The following TGFA variants were observed in gnomAD, a reference collection of about 807,000 sequenced individuals.
The protein encoded by TGFA is transforming growth factor alpha.
Under a neutral mutation model 21.7 loss-of-function variants are expected in TGFA, and 12 were observed. That is an observed-to-expected ratio of 0.55 (90% confidence interval 0.35 to 0.90). TGFA has a LOEUF of 0.90. Ranked by LOEUF, TGFA falls within the 40% of genes least tolerant of loss-of-function variation. TGFA has a pLI of 0.01. For missense variants in TGFA, 178 were observed against 210.8 expected (o/e 0.84, Z 0.96); for synonymous variants, 79 against 88.1 (o/e 0.90, Z 0.58).
intron 2 of TGFA, among the ~76,000 whole-genome samples, chr2:70,512,469 T>C (rs1215767467): frequency 6.6e-6 from 1 of 152,094 alleles, no homozygotes; most frequent in Non-Finnish European, 1.5e-5. Flanking sequence ...GGCCCCCGAG[T>C]GGCACTGAGC....
chr2:70,478,872 A>C (rs1364370983), intron 2 of TGFA, among the ~76,000 whole-genome samples: 1 of 152,138 alleles, frequency 6.6e-6, no homozygotes, highest in African/African-American at 2.4e-5. Context: ...TAGAATATAA[A>C]TACTCTTTTT....
chr2:70,473,100 A>T (rs1670807278), intron 2 of TGFA, among the ~76,000 whole-genome samples: 1 of 152,034 alleles, frequency 6.6e-6, no homozygotes. Context: ...CCTCCATTCC[A>T]CCCTGAGGCC....
chr2:70,514,574 G>A (rs1672209202), intron 2 of TGFA, among the ~76,000 whole-genome samples: 2 of 152,156 alleles, frequency 1.3e-5, no homozygotes, highest in African/African-American at 4.8e-5. Context: ...CTGGGGTCCT[G>A]CAGGCCCTGT....
chr2:70,488,135 T>C (rs1245125567), intron 2 of TGFA, among the ~76,000 whole-genome samples: 4 of 152,256 alleles, frequency 2.6e-5, no homozygotes, highest in African/African-American at 9.6e-5. Context: ...TTTTGCCTAC[T>C]TTTCTAGTGA....
At chr2:70,504,479 T>TACACACACACACACACACACAC (rs1361394841) in intron 2 of TGFA, among the ~76,000 whole-genome samples, 1 of 87,268 alleles carries the variant, frequency 1.1e-5, no homozygotes, top group African/African-American at 5.4e-5. Flanking sequence ...CATACATACA[T>TACACACACACACACACACACAC]ACATACACAC....
intron 2 of TGFA, 83 bp downstream of exon 2, chr2:70,514,776 G>C: frequency 6.9e-7 from 1 of 1,441,578 alleles, no homozygotes; most frequent in East Asian, 2.3e-5. Context: ...GGAGGCCAGG[G>C]AGGGAGCTCT....
At chr2:70,539,285 A>G (rs1673062587) in intron 1 of TGFA, among the ~76,000 whole-genome samples, 1 of 152,080 alleles carries the variant, frequency 6.6e-6, no homozygotes, top group Non-Finnish European at 1.5e-5. Flanking sequence ...TCTCTGAGGT[A>G]TGCCTATACT....
chr2:70,550,363 C>T (rs1226670520), intron 1 of TGFA, among the ~76,000 whole-genome samples: 1 of 152,006 alleles, frequency 6.6e-6, no homozygotes, highest in African/African-American at 2.4e-5. Flanking sequence ...TTATTATTCC[C>T]ACTTTACAGA....
At position 70,449,153 on chromosome 2, in the gene TGFA, A is replaced by G. The variant is rs1669975058; in HGVS notation, c.*1706T>C. ...GCATTGTTAAATAAGAGTGCCAAAAATGAAGACACGGGTCATAGAATTGTC... is the reference window on the plus strand; with the variant it reads ...GCATTGTTAAATAAGAGTGCCAAAAGTGAAGACACGGGTCATAGAATTGTC... On this transcript the variant is annotated 3_prime_UTR_variant, in exon 6 of 6. Coordinates refer to ENST00000295400, the MANE Select transcript of TGFA (RefSeq NM_003236.4). The G allele has an allele frequency of 6.6e-6, 1 of 152,140 alleles. No homozygotes were observed. Among genetic ancestry groups the G allele is most frequent in the African/African-American group, 2.4e-5 (1 of 41,444 alleles). The allele number at this position is 152,140 out of a possible 1,614,324, so 9.4% of individuals were successfully genotyped here. A position where few individuals can be genotyped will look rare whatever the true frequency, so the allele number is the denominator to read the frequency against.
chr2:70,448,390 G>T lies in TGFA; in HGVS notation c.*2469C>A, dbSNP rs1422899709. On this transcript the variant is annotated 3_prime_UTR_variant, in exon 6 of 6. Transcript: ENST00000295400. ...AAACAGCGATGCTCCCCACTGCCAG[G>T]TGTGTGGCAGCTTACCAGGTCAGGA... The T allele has an allele frequency of 6.6e-6, 1 of 152,178 alleles. No homozygotes were observed. Among genetic ancestry groups the T allele is most frequent in the Non-Finnish European group, 1.5e-5 (1 of 68,044 alleles). The allele number at this position is 152,178 out of a possible 1,614,324, so 9.4% of individuals were successfully genotyped here. A position where few individuals can be genotyped will look rare whatever the true frequency, so the allele number is the denominator to read the frequency against.
intron 2 of TGFA, among the ~76,000 whole-genome samples, chr2:70,496,104 C>T (rs2103799165): frequency 6.6e-6 from 1 of 152,272 alleles, no homozygotes; most frequent in South Asian, 2.1e-4. Context: ...CTGCCATACC[C>T]ACATGTGTGA....
intron 1 of TGFA, among the ~76,000 whole-genome samples, chr2:70,533,220 T>G (rs186895850): frequency 2.0e-5 from 3 of 152,230 alleles, no homozygotes. Context: ...TCACTGGTTC[T>G]GTGCAGTTTG....
intron 2 of TGFA, among the ~76,000 whole-genome samples, chr2:70,510,152 C>T (rs1553500748): frequency 1.3e-5 from 2 of 152,228 alleles, no homozygotes; most frequent in African/African-American, 4.8e-5. Flanking sequence ...ACACATTCCC[C>T]CACGGGTTCC....
At chr2:70,497,183 G>A (rs1553498473) in intron 2 of TGFA, among the ~76,000 whole-genome samples, 1 of 152,220 alleles carries the variant, frequency 6.6e-6, no homozygotes, top group Admixed American at 6.5e-5. Flanking sequence ...CAGATGGAGT[G>A]GGAATGGGTG....
intron 1 of TGFA, among the ~76,000 whole-genome samples, chr2:70,531,965 A>G (rs1431646549): frequency 1.3e-5 from 2 of 152,336 alleles, no homozygotes; most frequent in African/African-American, 4.8e-5. Flanking sequence ...ATTATTGCCA[A>G]TGGAGCAAGA....
chr2:70,550,807 C>T (rs1191972912), intron 1 of TGFA, among the ~76,000 whole-genome samples: 6 of 152,066 alleles, frequency 3.9e-5, no homozygotes, highest in South Asian at 2.1e-4. Flanking sequence ...GGAGACAGAG[C>T]GAGACTCCGT....
chr2:70,503,677 G>A (rs1425297728), intron 2 of TGFA, among the ~76,000 whole-genome samples: 2 of 151,602 alleles, frequency 1.3e-5, no homozygotes, highest in African/African-American at 2.4e-5. Flanking sequence ...TTTAACCACC[G>A]TGCTATCAAA....
At chr2:70,496,195 T>A (rs954931565) in intron 2 of TGFA, among the ~76,000 whole-genome samples, 1 of 152,124 alleles carries the variant, frequency 6.6e-6, no homozygotes, top group African/African-American at 2.4e-5. Context: ...GACACTGCTT[T>A]CCAGTTGCTG....
chr2:70,470,789 A>C (rs1670718037), intron 2 of TGFA, among the ~76,000 whole-genome samples: 1 of 152,190 alleles, frequency 6.6e-6, no homozygotes, highest in Admixed American at 6.5e-5. Context: ...GCCTCAGCCC[A>C]AAGGGCAGAG....
Sources: gnomAD v4.1 joint callset for allele counts (sites outside exome capture counted in the v4.1 genomes callset) on GRCh38, gnomAD v4.1.1 for gene constraint, MANE v1.5 for transcripts, NCBI Gene and HGNC (gene_info 2026-07-23, HGNC 2026-07-21) for gene names.